RFC1: variants seen among roughly 807,000 people sequenced by gnomAD.
The protein encoded by RFC1 is replication factor C subunit 1.
In RFC1, 37 loss-of-function variants were observed where a neutral mutation model predicts 137.4. The observed-to-expected ratio is 0.27, with a 90% CI of 0.21 to 0.35. The LOEUF (loss-of-function observed/expected upper bound fraction) is 0.35. RFC1 is among the 10% of genes least tolerant of loss of function. The pLI is 1.00. For synonymous variants in RFC1, 429 were observed against 455.7 expected (o/e 0.94, Z 0.75); for missense variants, 1,205 against 1,358.5 (o/e 0.89, Z 1.78).
intron 21 of RFC1, among the ~76,000 whole-genome samples, chr4:39,299,662 T>G (rs1442073509): frequency 3.3e-5 from 5 of 149,494 alleles, no homozygotes; most frequent in Non-Finnish European, 7.4e-5. Flanking sequence ...AAGGCCAGAT[T>G]AGGAAACAGA....
chr4:39,328,592 C>T (rs1461314620), intron 4 of RFC1, among the ~76,000 whole-genome samples: 1 of 152,100 alleles, frequency 6.6e-6, no homozygotes, highest in African/African-American at 2.4e-5. Context: ...AAAGCCGAGA[C>T]GGAAGTGTGC....
At chr4:39,354,913 C>A (rs1741386895) in intron 1 of RFC1, among the ~76,000 whole-genome samples, 2 of 151,588 alleles carry the variant, frequency 1.3e-5, no homozygotes, top group Admixed American at 1.3e-4. Context: ...AAAACCCCAT[C>A]TCCACTAAAA....
At chr4:39,332,705 T>C (rs1352176332) in intron 4 of RFC1, among the ~76,000 whole-genome samples, 1 of 152,238 alleles carries the variant, frequency 6.6e-6, no homozygotes, top group Non-Finnish European at 1.5e-5. Context: ...AAAAAGTTTA[T>C]CTACTTTTTC....
chr4:39,320,882 G>A (rs1739487653), intron 8 of RFC1, among the ~76,000 whole-genome samples: 1 of 152,100 alleles, frequency 6.6e-6, no homozygotes, highest in Non-Finnish European at 1.5e-5. Flanking sequence ...TTTGCTATCA[G>A]AACCACTGAA....
At chr4:39,298,440 C>G (rs1484665225) in intron 21 of RFC1, among the ~76,000 whole-genome samples, 1 of 151,970 alleles carries the variant, frequency 6.6e-6, no homozygotes, top group African/African-American at 2.4e-5. Flanking sequence ...TTTTATTACT[C>G]AGGCCAATAA....
chr4:39,323,165 C>T (rs1739603896), intron 7 of RFC1, 175 bp downstream of exon 7: 1 of 425,246 alleles, frequency 2.4e-6, no homozygotes, highest in Non-Finnish European at 4.1e-6. Flanking sequence ...ATGCCGTCAC[C>T]CTTCTTTTAA....
At chr4:39,294,441 G>A (rs1299153089) in intron 22 of RFC1, among the ~76,000 whole-genome samples, 1 of 152,188 alleles carries the variant, frequency 6.6e-6, no homozygotes, top group African/African-American at 2.4e-5. Context: ...GGAGGCCAAG[G>A]AGGGTGGACC....
chr4:39,330,012 C>A (rs765710842), intron 4 of RFC1, among the ~76,000 whole-genome samples: 1 of 151,582 alleles, frequency 6.6e-6, no homozygotes, highest in Non-Finnish European at 1.5e-5. Flanking sequence ...CCAGCCTGGG[C>A]GACAGAGTGA....
intron 14 of RFC1, among the ~76,000 whole-genome samples, chr4:39,306,163 C>T (rs561407566): frequency 1.3e-5 from 2 of 152,270 alleles, no homozygotes; most frequent in Admixed American, 6.5e-5. Flanking sequence ...CTGAGTCGCG[C>T]TACCGGGTGA....
rs780138318 is a variant in RFC1, at chr4:39,327,599, T to C, written c.489A>G (p.Thr163=). The C allele has an allele frequency of 1.2e-6, 2 of 1,613,770 alleles. No individual in the cohort carries two copies. The highest frequency in any genetic ancestry group is 1.1e-5 in the South Asian group (1 of 91,050). ...KPLSPIKLTP[T]SVLDYFGTGS... ...CAGTTCCAAAATAATCAAGTACTGA[T>C]GTGGGTGTAAGTTTTATTGGTGATA... is the stretch of plus-strand genomic sequence containing the variant. The change falls in exon 5 of 25, where the codon ACA becomes ACG. Residue 163 remains threonine, a synonymous_variant. Transcript: ENST00000349703.
chr4:39,304,768 A>G lies in RFC1; in HGVS notation c.2110+46T>C, dbSNP rs145400309. The G allele has an allele frequency of 1.0e-5, 11 of 1,062,002 alleles. No homozygotes were observed. The East Asian group carries it at 2.4e-4, about 23-fold the overall frequency. The allele number at this position is 1,062,002 out of a possible 1,614,324, so 65.8% of individuals were successfully genotyped here. A position where few individuals can be genotyped will look rare whatever the true frequency, so the allele number is the denominator to read the frequency against. ...CTGGTTACTGAACATTGAAATGAAC[A>G]TATTTTTCTTATATAACAACAACAG... On this transcript the variant is annotated intron_variant, in intron 15 of 24. Coordinates refer to ENST00000349703, the MANE Select transcript of RFC1 (RefSeq NM_002913.5).
chr4:39,332,778 A>C (rs957461882), intron 4 of RFC1, among the ~76,000 whole-genome samples: 6 of 152,230 alleles, frequency 3.9e-5, no homozygotes, highest in Admixed American at 6.5e-5. Context: ...ATAAATAGTA[A>C]AACAGTTTCA....
chr4:39,350,109 C>T (rs1261985457), intron 2 of RFC1, among the ~76,000 whole-genome samples: 3 of 151,656 alleles, frequency 2.0e-5, no homozygotes, highest in Admixed American at 6.6e-5. Context: ...TTAAAAAATA[C>T]AATATGTAAA....
intron 1 of RFC1, among the ~76,000 whole-genome samples, chr4:39,354,046 C>T (rs1002958449): frequency 1.3e-5 from 2 of 152,154 alleles, no homozygotes; most frequent in Non-Finnish European, 2.9e-5. Flanking sequence ...TTCCTCCCTA[C>T]GTAATTATTT....
At chr4:39,359,035 C>T (rs557792494) in intron 1 of RFC1, among the ~76,000 whole-genome samples, 5 of 152,190 alleles carry the variant, frequency 3.3e-5, no homozygotes, top group Non-Finnish European at 7.3e-5. Flanking sequence ...AATTTATCTT[C>T]AGCTGGGACC....
At chr4:39,325,876 C>T (rs571851292) in intron 6 of RFC1, among the ~76,000 whole-genome samples, 1 of 152,172 alleles carries the variant, frequency 6.6e-6, no homozygotes, top group Non-Finnish European at 1.5e-5. Context: ...TTAACATCAT[C>T]GAAGCCAAAG....
intron 19 of RFC1, among the ~76,000 whole-genome samples, chr4:39,300,740 T>G (rs981553990): frequency 7.9e-5 from 12 of 152,274 alleles, no homozygotes; most frequent in African/African-American, 2.6e-4. Context: ...TTAACTGTGG[T>G]ACATTCACAC....
chr4:39,340,260 A>G (rs1169181356), intron 4 of RFC1, among the ~76,000 whole-genome samples: 1 of 152,232 alleles, frequency 6.6e-6, no homozygotes, highest in Non-Finnish European at 1.5e-5. Flanking sequence ...TAAAGTATGC[A>G]ATAATGAAGA....
At chr4:39,343,634 T>C (rs1740709146) in intron 3 of RFC1, among the ~76,000 whole-genome samples, 1 of 152,182 alleles carries the variant, frequency 6.6e-6, no homozygotes, top group Non-Finnish European at 1.5e-5. Context: ...ATCAAACAAA[T>C]GTCCAGTTTC....
Sources: gnomAD v4.1 joint callset for allele counts (sites outside exome capture counted in the v4.1 genomes callset) on GRCh38, gnomAD v4.1.1 for gene constraint, MANE v1.5 for transcripts, NCBI Gene and HGNC (gene_info 2026-07-23, HGNC 2026-07-21) for gene names.